The following ITFG1 variants were observed in gnomAD, a reference collection of about 807,000 sequenced individuals.
ITFG1 encodes the protein T-cell immunomodulatory protein.
In ITFG1, 34 loss-of-function variants were observed where a neutral mutation model predicts 81.8. The observed-to-expected ratio is 0.42, with a 90% CI of 0.32 to 0.55. The LOEUF is 0.55. Among genes scored for constraint, ITFG1 ranks in the 20% least tolerant of loss-of-function variants. The pLI, the probability that ITFG1 is intolerant of heterozygous loss-of-function variation, is 0.17. For missense variants in ITFG1, 672 were observed against 755.4 expected, an observed-to-expected ratio of 0.89 and a Z score of 1.29; for synonymous variants, 285 against 270.6, an observed-to-expected ratio of 1.05 and a Z score of -0.52.
intron 10 of ITFG1, among the ~76,000 whole-genome samples, chr16:47,269,262 T>C (rs1222839252): frequency 6.6e-6 from 1 of 152,124 alleles, no homozygotes; most frequent in Non-Finnish European, 1.5e-5. Flanking sequence ...AGAAAAATCA[T>C]ATGAGATCTA....
chr16:47,385,734 C>T (rs987226566), intron 6 of ITFG1, among the ~76,000 whole-genome samples: 7 of 152,170 alleles, frequency 4.6e-5, no homozygotes, highest in African/African-American at 1.7e-4. Flanking sequence ...ATAGGTCATG[C>T]TGAGTGCTCA....
chr16:47,410,409 T>A (rs1968795140), intron 6 of ITFG1, among the ~76,000 whole-genome samples: 1 of 151,556 alleles, frequency 6.6e-6, no homozygotes, highest in Admixed American at 6.6e-5. Flanking sequence ...ATTCAGGAAA[T>A]GGTAATCAAA....
At chr16:47,222,753 C>T (rs975378049) in intron 13 of ITFG1, among the ~76,000 whole-genome samples, 35 of 152,180 alleles carry the variant, frequency 2.3e-4, no homozygotes, top group Admixed American at 2.2e-3. Flanking sequence ...TTTGATTGCA[C>T]TGTGGTCTGA....
chr16:47,384,851 G>A (rs1291778613), intron 6 of ITFG1, among the ~76,000 whole-genome samples: 2 of 152,184 alleles, frequency 1.3e-5, no homozygotes, highest in Non-Finnish European at 1.5e-5. Flanking sequence ...GTCAAGGTGG[G>A]GAGATCACCT....
At chr16:47,181,411 G>GC (rs1299531898) in intron 14 of ITFG1, among the ~76,000 whole-genome samples, 5 of 140,550 alleles carry the variant, frequency 3.6e-5, no homozygotes, top group South Asian at 2.3e-4. Context: ...GGGGGGGTCA[G>GC]CCCCCCCGCC....
chr16:47,425,281 G>C (rs762872804), intron 6 of ITFG1, among the ~76,000 whole-genome samples: 13 of 152,190 alleles, frequency 8.5e-5, no homozygotes, highest in Admixed American at 7.8e-4. Flanking sequence ...CTGGTCTGCT[G>C]GTTGCTAAGA....
chr16:47,270,756 C>T (rs1287136153), intron 10 of ITFG1, among the ~76,000 whole-genome samples: 1 of 152,124 alleles, frequency 6.6e-6, no homozygotes, highest in Non-Finnish European at 1.5e-5. Flanking sequence ...CATGTAAAAC[C>T]ATGGATAAAT....
At chr16:47,312,330 C>G (rs887299871) in intron 9 of ITFG1, 1 of 152,126 alleles carries the variant, frequency 6.6e-6, no homozygotes, top group Non-Finnish European at 1.5e-5. Context: ...GATTCCCTTC[C>G]TTTCCTTCTA....
intron 5 of ITFG1, among the ~76,000 whole-genome samples, chr16:47,444,215 A>C (rs1596988853): frequency 6.6e-6 from 1 of 152,200 alleles, no homozygotes; most frequent in African/African-American, 2.4e-5. Flanking sequence ...AAATCAGATA[A>C]AACTGATTTA....
intron 14 of ITFG1, among the ~76,000 whole-genome samples, chr16:47,170,432 CTT>C (rs370502887): frequency 1.7e-4 from 25 of 142,862 alleles, no homozygotes; most frequent in Admixed American, 1.4e-4. Flanking sequence ...CTAGGGAACA[CTT>C]TTTTTTTTTT....
Position 47,161,768 on chromosome 16 carries a change from G to C in ITFG1, c.1643C>G (p.Pro548Arg). The C allele has an allele frequency of 6.2e-7, 1 of 1,609,620 alleles. No individual in the cohort carries two copies. Among genetic ancestry groups the C allele is most frequent in the Non-Finnish European group, 8.5e-7 (1 of 1,176,078 alleles). Residue 548 changes from proline (P) to arginine (R), a missense_variant, in exon 16 of 18, where the codon CCT becomes CGT. This residue lies in a region of ITFG1 where 65 missense variants were observed against 103.3 expected (regional missense o/e 0.63). Transcript: ENST00000320640. ...ACATTACCTTCGAGGGACATTGTGA[G>C]GGTATGGAATGACAATTAGCTGGGA... is the stretch of plus-strand genomic sequence containing the variant. ...PNSQLIVIPY[P>R]HNVPRSWSAK...
intron 5 of ITFG1, among the ~76,000 whole-genome samples, chr16:47,436,689 C>T (rs1182514349): frequency 1.3e-5 from 2 of 152,002 alleles, no homozygotes; most frequent in Non-Finnish European, 2.9e-5. Context: ...GTTTTTTGAA[C>T]CCCTCTGTAG....
intron 8 of ITFG1, among the ~76,000 whole-genome samples, chr16:47,337,202 GAT>G (rs958540407): frequency 6.6e-6 from 1 of 151,368 alleles, no homozygotes; most frequent in African/African-American, 2.4e-5. Context: ...GAATGCTGAA[GAT>G]ATAGGTACTT....
In ITFG1 at chr16:47,175,875, T is replaced by C. The variant is rs1034073377; in HGVS notation, c.1454-13211A>G. ...AAGGGATTCTTCTGCCTCAGCCTCC[T>C]GAGTAGCTGGGAGTACAGGTGTGTA... On this transcript the variant is annotated intron_variant, in intron 14 of 17. Coordinates refer to ENST00000320640, the MANE Select transcript of ITFG1 (RefSeq NM_030790.5). 3.9e-5 allele frequency among the ~76,000 whole-genome samples: 6 copies of C among 152,324 alleles called. 1 individual carries two copies. Among genetic ancestry groups the C allele is most frequent in the Middle Eastern group, 3.4e-3 (1 of 294 alleles).
intron 8 of ITFG1, among the ~76,000 whole-genome samples, chr16:47,347,630 C>T (rs781484568): frequency 5.3e-5 from 8 of 152,180 alleles, no homozygotes; most frequent in African/African-American, 7.2e-5. Flanking sequence ...AGGGCATAGC[C>T]GAACAAAGGG....
intron 8 of ITFG1, among the ~76,000 whole-genome samples, chr16:47,348,606 G>T (rs953265047): frequency 1.3e-5 from 2 of 152,156 alleles, no homozygotes; most frequent in Non-Finnish European, 2.9e-5. Context: ...AAAGTGATAG[G>T]GAGAATGGAA....
chr16:47,353,568 T>C (rs947194791), intron 8 of ITFG1, among the ~76,000 whole-genome samples: 1 of 152,092 alleles, frequency 6.6e-6, no homozygotes, highest in African/African-American at 2.4e-5. Flanking sequence ...ATGTGAAAGA[T>C]ATTAAAAGAT....
At chr16:47,226,097 T>G (rs940322425) in intron 13 of ITFG1, among the ~76,000 whole-genome samples, 13 of 152,214 alleles carry the variant, frequency 8.5e-5, no homozygotes, top group African/African-American at 3.1e-4. Flanking sequence ...AACTGAGATA[T>G]GTTAGAGCAA....
At chr16:47,178,479 G>T (rs1368684352) in intron 14 of ITFG1, among the ~76,000 whole-genome samples, 2 of 152,190 alleles carry the variant, frequency 1.3e-5, no homozygotes, top group Non-Finnish European at 2.9e-5. Context: ...ATGGGGAAAG[G>T]ATTCCCTATT....
Sources: allele counts gnomAD v4.1 joint callset (sites outside exome capture counted in the v4.1 genomes callset), GRCh38; gene constraint gnomAD v4.1.1; regional missense constraint gnomAD v4.1.1; transcripts MANE v1.5; gene names NCBI Gene and HGNC (gene_info 2026-07-23, HGNC 2026-07-21).